TENM4: variants seen among roughly 807,000 people sequenced by gnomAD.
The protein encoded by TENM4 is teneurin transmembrane protein 4, also known as teneurin-4.
In TENM4, 82 loss-of-function variants were observed where a neutral mutation model predicts 243.3. The observed-to-expected ratio is 0.34, with a 90% confidence interval of 0.28 to 0.40. The LOEUF is 0.40. Ranked by LOEUF, TENM4 falls within the 10% of genes least tolerant of loss-of-function variation. The pLI, the probability that TENM4 is intolerant of heterozygous loss-of-function variation, is 1.00. For synonymous variants in TENM4, 1,412 were observed against 1,456.3 expected (o/e 0.97, Z 0.69); for missense variants, 3,138 against 3,673.3 (o/e 0.85, Z 3.77).
At chr11:78,788,227 G>C (rs1343754992) in intron 15 of TENM4, among the ~76,000 whole-genome samples, 1 of 152,226 alleles carries the variant, frequency 6.6e-6, no homozygotes, top group Admixed American at 6.5e-5. Flanking sequence ...AGGTCTCAGA[G>C]GCTCAGACCT....
chr11:78,809,915 G>T (rs1173811896), intron 14 of TENM4, among the ~76,000 whole-genome samples: 1 of 152,108 alleles, frequency 6.6e-6, no homozygotes, highest in African/African-American at 2.4e-5. Flanking sequence ...CACTCTGCAG[G>T]ACCAAAAACA....
intron 2 of TENM4, among the ~76,000 whole-genome samples, chr11:79,227,145 T>C (rs1864284983): frequency 6.6e-6 from 1 of 152,178 alleles, no homozygotes; most frequent in Admixed American, 6.5e-5. Flanking sequence ...TCCCTGGCAG[T>C]GGCCACATAA....
At chr11:79,167,383 G>C (rs1862937797) in intron 3 of TENM4, among the ~76,000 whole-genome samples, 2 of 152,164 alleles carry the variant, frequency 1.3e-5, no homozygotes, top group African/African-American at 4.8e-5. Context: ...AACATATATT[G>C]AGCAACTAAC....
intron 32 of TENM4, among the ~76,000 whole-genome samples, chr11:78,665,554 G>A (rs1232277530): frequency 1.3e-5 from 2 of 152,238 alleles, no homozygotes; most frequent in African/African-American, 4.8e-5. Flanking sequence ...TTGCAGGCAT[G>A]AGCCACAGCA....
chr11:79,257,633 A>G (rs1855722218), intron 2 of TENM4, among the ~76,000 whole-genome samples: 1 of 152,236 alleles, frequency 6.6e-6, no homozygotes, highest in Admixed American at 6.5e-5. Context: ...TCTTTGACAC[A>G]CAGGCTGCCA....
chr11:79,357,824 A>G (rs1857522960), intron 1 of TENM4, among the ~76,000 whole-genome samples: 1 of 152,176 alleles, frequency 6.6e-6, no homozygotes, highest in Non-Finnish European at 1.5e-5. Flanking sequence ...CCCCTAAATT[A>G]TCTTGCCCAC....
chr11:78,903,612 A>G, intron 6 of TENM4, 89 bp from the exon 7 acceptor site: 2 of 1,520,010 alleles, frequency 1.3e-6, no homozygotes, highest in Non-Finnish European at 1.8e-6. Flanking sequence ...GCAAGACCAC[A>G]GAAGAGGGAG....
chr11:79,244,766 G>T (rs545674624), intron 2 of TENM4, among the ~76,000 whole-genome samples: 1 of 152,280 alleles, frequency 6.6e-6, no homozygotes, highest in Admixed American at 6.5e-5. Flanking sequence ...ATCCACAGCA[G>T]ACTAGCTGTA....
At chr11:79,081,714 C>T (rs1404279253) in intron 4 of TENM4, among the ~76,000 whole-genome samples, 2 of 152,076 alleles carry the variant, frequency 1.3e-5, no homozygotes, top group Non-Finnish European at 2.9e-5. Flanking sequence ...GATGTGGGCT[C>T]GGAGTGCTCG....
At chr11:79,288,318 G>A (rs905855965) in intron 2 of TENM4, among the ~76,000 whole-genome samples, 3 of 152,228 alleles carry the variant, frequency 2.0e-5, no homozygotes, top group Admixed American at 1.3e-4. Flanking sequence ...GAAACAGTAA[G>A]CTAGTAGACT....
chr11:79,401,567 G>A (rs186285728), intron 1 of TENM4, among the ~76,000 whole-genome samples: 4 of 152,256 alleles, frequency 2.6e-5, no homozygotes, highest in African/African-American at 7.2e-5. Context: ...AAAAGAAAAC[G>A]TCAATCATTA....
chr11:78,729,527 G>A lies in TENM4; in HGVS notation c.3255C>T (p.Pro1085=). 1 of 1,613,998 alleles carries A rather than the reference G, an allele frequency of 6.2e-7. No individual in the cohort carries two copies. The highest frequency in any genetic ancestry group is 8.5e-7 in the Non-Finnish European group (1 of 1,179,886). The part of the protein sequence containing the change: ...LRISLTHPTI[P]FNLMKVHLMV... ...TGAGGTGCACCTTCATGAGGTTGAA[G>A]GGGATGGTCGGGTGGGTGAGGCTGA... Residue 1085 remains proline (P), a synonymous_variant, in exon 22 of 34, where the codon CCC becomes CCT. Transcript: ENST00000278550.
chr11:79,426,302 C>A (rs900019419), intron 1 of TENM4, among the ~76,000 whole-genome samples: 7 of 152,178 alleles, frequency 4.6e-5, no homozygotes, highest in African/African-American at 1.7e-4. Flanking sequence ...TTACAACCAG[C>A]ACCTCCTGGA....
intron 4 of TENM4, among the ~76,000 whole-genome samples, chr11:79,091,483 G>C (rs527932241): frequency 1.3e-5 from 2 of 152,112 alleles, no homozygotes; most frequent in East Asian, 1.9e-4. Context: ...AGTCTTCAGC[G>C]TAATTTTTCT....
intron 6 of TENM4, among the ~76,000 whole-genome samples, chr11:79,036,679 G>T (rs993793222): frequency 6.6e-6 from 1 of 152,188 alleles, no homozygotes; most frequent in Admixed American, 6.5e-5. Context: ...TGATGTTGTA[G>T]GTGGAGCCTG....
chr11:78,948,232 A>G (rs1857042887), intron 6 of TENM4, among the ~76,000 whole-genome samples: 2 of 152,224 alleles, frequency 1.3e-5, no homozygotes. Context: ...TGTAGACTTC[A>G]GTACACTTTA....
chr11:78,667,658 C>T (rs1323127050), intron 32 of TENM4, among the ~76,000 whole-genome samples: 3 of 152,152 alleles, frequency 2.0e-5, no homozygotes, highest in Non-Finnish European at 4.4e-5. Context: ...GCCTGTCTCT[C>T]CCCTTACAGT....
chr11:79,388,372 A>G (rs2135536444), intron 1 of TENM4, among the ~76,000 whole-genome samples: 1 of 152,340 alleles, frequency 6.6e-6, no homozygotes. Flanking sequence ...AAAACAAAAC[A>G]AAAAACCAAA....
chr11:78,787,127 G>A, intron 15 of TENM4, 44 bp from the exon 16 acceptor site: 3 of 1,506,750 alleles, frequency 2.0e-6, no homozygotes, highest in Non-Finnish European at 2.7e-6. Context: ...GGGCCAGGAT[G>A]GGAGGCAGTG....
Sources: gnomAD v4.1 joint callset for allele counts (sites outside exome capture counted in the v4.1 genomes callset) on GRCh38, gnomAD v4.1.1 for gene constraint, MANE v1.5 for transcripts, NCBI Gene and HGNC (gene_info 2026-07-23, HGNC 2026-07-21) for gene names.